QKI: variants seen among roughly 807,000 people sequenced by gnomAD.
The protein encoded by QKI is KH domain-containing RNA-binding protein QKI.
In QKI, 10 loss-of-function variants were observed where a neutral mutation model predicts 39.0. The ratio of observed to expected loss-of-function variants is 0.26; its 90% CI spans 0.16 to 0.43. The LOEUF (loss-of-function observed/expected upper bound fraction) is 0.43, where lower values mean the gene tolerates loss of function less well. Among genes scored for constraint, QKI ranks in the 20% least tolerant of loss-of-function variants. The pLI, the probability that QKI is intolerant of heterozygous loss-of-function variation, is 1.00. For synonymous variants in QKI, 204 were observed against 155.4 expected (o/e 1.31, Z -2.33); for missense variants, 218 against 428.0 (o/e 0.51, Z 4.33).
intron 3 of QKI, among the ~76,000 whole-genome samples, chr6:163,481,810 C>T (rs1793096520): frequency 6.6e-6 from 1 of 152,068 alleles, no homozygotes; most frequent in Non-Finnish European, 1.5e-5. Flanking sequence ...TTGTCTGTAC[C>T]AGCTATTTTG....
chr6:163,538,398 A>G (rs996038622), intron 4 of QKI, among the ~76,000 whole-genome samples: 7 of 152,324 alleles, frequency 4.6e-5, no homozygotes, highest in African/African-American at 1.4e-4. Context: ...AGAAGGTGAC[A>G]TCTAAGAAAA....
At chr6:163,445,615 CTTTTT>C (rs771151149) in intron 1 of QKI, among the ~76,000 whole-genome samples, 1 of 135,332 alleles carries the variant, frequency 7.4e-6, no homozygotes. Context: ...GAGTATATGT[CTTTTT>C]TTTTTTTTTT....
chr6:163,511,645 G>A (rs908012028), intron 3 of QKI, among the ~76,000 whole-genome samples: 14 of 151,786 alleles, frequency 9.2e-5, no homozygotes, highest in African/African-American at 3.1e-4. Context: ...TTACCCAGGA[G>A]CAATAGAAAA....
intron 7 of QKI, chr6:163,569,091 T>A (rs1246192485): frequency 1.1e-5 from 10 of 943,162 alleles, no homozygotes; most frequent in Non-Finnish European, 1.1e-5. Context: ...CAAAAATGCT[T>A]TAAGATTCTA....
At chr6:163,478,319 G>C (rs1268408678) in intron 2 of QKI, among the ~76,000 whole-genome samples, 3 of 152,178 alleles carry the variant, frequency 2.0e-5, no homozygotes, top group Non-Finnish European at 4.4e-5. Flanking sequence ...TTTGGAGAAA[G>C]TATAATTTTT....
intron 3 of QKI, among the ~76,000 whole-genome samples, chr6:163,496,738 G>C (rs1778440409): frequency 6.6e-6 from 1 of 152,050 alleles, no homozygotes; most frequent in African/African-American, 2.4e-5. Context: ...CTTTGGTGTT[G>C]CTACTCCCTC....
intron 2 of QKI, among the ~76,000 whole-genome samples, chr6:163,476,191 A>AG (rs1164628228): frequency 2.6e-5 from 4 of 152,160 alleles, no homozygotes; most frequent in Non-Finnish European, 5.9e-5. Flanking sequence ...TTGGAGAGGA[A>AG]GTGGATCAAA....
At chr6:163,565,386 G>T in intron 6 of QKI, 1 of 986,004 alleles carries the variant, frequency 1.0e-6, no homozygotes, top group Non-Finnish European at 1.2e-6. Context: ...CACTTTCAGC[G>T]CAAGATCTCC....
intron 4 of QKI, among the ~76,000 whole-genome samples, chr6:163,555,462 GATC>G (rs1377330508): frequency 3.3e-5 from 4 of 122,634 alleles, no homozygotes; most frequent in Non-Finnish European, 6.3e-5. Flanking sequence ...AGTGAGCCAA[GATC>G]ACGCCACAGC....
rs965201623 is a variant in QKI, at chr6:163,543,784, G to A, written c.546+8659G>A. Reference sequence around the variant, plus strand: ...TTATTCAGGCTTGTTTTTTCACTAAGTATGGTACAATGAAGCACATTTGAG... The same window carrying A: ...TTATTCAGGCTTGTTTTTTCACTAAATATGGTACAATGAAGCACATTTGAG... On this transcript the variant is annotated intron_variant, in intron 4 of 7. Coordinates refer to ENST00000361752, the MANE Select transcript of QKI (RefSeq NM_006775.3). 3.9e-5 allele frequency among the ~76,000 whole-genome samples: 6 copies of A among 152,056 alleles called. No individual in the cohort carries two copies. The East Asian group carries it at 1.2e-3, about 29-fold the overall frequency.
intron 4 of QKI, among the ~76,000 whole-genome samples, chr6:163,542,975 A>G (rs1434038327): frequency 6.6e-6 from 1 of 152,078 alleles, no homozygotes; most frequent in Non-Finnish European, 1.5e-5. Context: ...GATAATAGGC[A>G]TCTGTTACAA....
At chr6:163,566,036 C>T in intron 6 of QKI, 2 of 1,588,772 alleles carry the variant, frequency 1.3e-6, no homozygotes, top group Non-Finnish European at 1.7e-6. Context: ...TTAGTCTCAG[C>T]AGCCTCCGGG....
At chr6:163,484,181 C>T (rs546608194) in intron 3 of QKI, among the ~76,000 whole-genome samples, 6 of 151,262 alleles carry the variant, frequency 4.0e-5, no homozygotes, top group African/African-American at 1.2e-4. Flanking sequence ...TTGTAGAGCA[C>T]AGGCAGGGTA....
chr6:163,519,922 G>A (rs1196178176), intron 3 of QKI, among the ~76,000 whole-genome samples: 2 of 152,088 alleles, frequency 1.3e-5, no homozygotes, highest in Admixed American at 1.3e-4. Flanking sequence ...GGGGAAGTGG[G>A]CCAAAGATAT....
At position 163,433,126 on chromosome 6, in the gene QKI, A is replaced by G. The variant is rs540775442; in HGVS notation, c.142+17791A>G. The stretch of plus-strand genomic sequence containing the variant: ...CTTCTTTTTACATTTTACTTTATCA[A>G]AGTGAAACTTTTTCATTTGATTTTT... On this transcript the variant is annotated intron_variant, in intron 1 of 7. Coordinates refer to ENST00000361752, the MANE Select transcript of QKI (RefSeq NM_006775.3). Among the ~76,000 whole-genome samples the G allele has an allele frequency of 3.3e-5, 5 of 152,364 alleles. No individual in the cohort carries two copies. In the East Asian group the frequency reaches 7.7e-4, roughly 23 times the overall value.
At chr6:163,489,427 TG>T (rs2128228038) in intron 3 of QKI, among the ~76,000 whole-genome samples, 1 of 14,496 alleles carries the variant, frequency 6.9e-5, no homozygotes, top group African/African-American at 1.2e-4. Flanking sequence ...AGTTATGCTG[TG>T]TGTGTGTGTG....
At chr6:163,428,291 G>A (rs559491530) in intron 1 of QKI, among the ~76,000 whole-genome samples, 1 of 152,298 alleles carries the variant, frequency 6.6e-6, no homozygotes, top group South Asian at 2.1e-4. Flanking sequence ...GCTATTTTCT[G>A]AAATAGTTTC....
chr6:163,497,676 T>A (rs1487078717), intron 3 of QKI, among the ~76,000 whole-genome samples: 1 of 152,144 alleles, frequency 6.6e-6, no homozygotes, highest in Non-Finnish European at 1.5e-5. Context: ...AAAACCCTAT[T>A]ACCTTTGTAT....
At chr6:163,484,509 A>G (rs988367337) in intron 3 of QKI, among the ~76,000 whole-genome samples, 5 of 152,138 alleles carry the variant, frequency 3.3e-5, no homozygotes, top group African/African-American at 1.2e-4. Context: ...CCCATTTAGC[A>G]TAATTTTTAA....
Sources: gnomAD v4.1 joint callset for allele counts (sites outside exome capture counted in the v4.1 genomes callset) on GRCh38, gnomAD v4.1.1 for gene constraint, MANE v1.5 for transcripts, NCBI Gene and HGNC (gene_info 2026-07-23, HGNC 2026-07-21) for gene names.